ROBO2: variants seen among roughly 807,000 people sequenced by gnomAD.
The protein encoded by ROBO2 is roundabout homolog 2.
Under a neutral mutation model 160.8 loss-of-function variants are expected in ROBO2, and 53 were observed. The observed-to-expected ratio is 0.33, with a 90% CI of 0.26 to 0.41. The LOEUF is 0.41. ROBO2 is among the 10% of genes least tolerant of loss of function. The pLI is 1.00. For missense variants in ROBO2, 1,577 were observed against 1,722.4 expected, an observed-to-expected ratio of 0.92 and a Z score of 1.49; for synonymous variants, 664 against 611.7, an observed-to-expected ratio of 1.09 and a Z score of -1.26.
intron 2 of ROBO2, among the ~76,000 whole-genome samples, chr3:77,464,409 C>T (rs2082554834): frequency 2.0e-5 from 3 of 151,784 alleles, no homozygotes; most frequent in African/African-American, 7.3e-5. Flanking sequence ...TGTTTAGGCC[C>T]TAAAAAAAGA....
At chr3:76,931,996 C>T (rs1364391601) in intron 2 of ROBO2, among the ~76,000 whole-genome samples, 1 of 152,056 alleles carries the variant, frequency 6.6e-6, no homozygotes, top group Non-Finnish European at 1.5e-5. Context: ...TTTTAAAGTA[C>T]ACAGATGTGC....
intron 2 of ROBO2, among the ~76,000 whole-genome samples, chr3:76,880,224 A>G (rs1185212400): frequency 1.3e-5 from 2 of 152,156 alleles, no homozygotes; most frequent in African/African-American, 4.8e-5. Context: ...CCTTTGCTAC[A>G]TACCCTCAAA....
intron 2 of ROBO2, among the ~76,000 whole-genome samples, chr3:76,067,279 T>C (rs867100847): frequency 1.3e-5 from 2 of 152,240 alleles, no homozygotes; most frequent in Non-Finnish European, 2.9e-5. Flanking sequence ...TGATTAATTA[T>C]TGTATATCAA....
intron 2 of ROBO2, among the ~76,000 whole-genome samples, chr3:77,285,817 G>A (rs1580668483): frequency 1.3e-5 from 2 of 151,990 alleles, no homozygotes; most frequent in Admixed American, 6.6e-5. Flanking sequence ...AAATCCACAG[G>A]TCTTAATAGA....
At chr3:76,714,352 C>G (rs574405510) in intron 2 of ROBO2, among the ~76,000 whole-genome samples, 1 of 152,022 alleles carries the variant, frequency 6.6e-6, no homozygotes, top group African/African-American at 2.4e-5. Flanking sequence ...ACAGCTCAGG[C>G]GTGGACGGGT....
intron 2 of ROBO2, among the ~76,000 whole-genome samples, chr3:77,375,776 CT>C (rs2072554329): frequency 6.7e-6 from 1 of 150,364 alleles, no homozygotes; most frequent in African/African-American, 2.4e-5. Flanking sequence ...TTTGCATAGA[CT>C]GTACTGCAGC....
At chr3:77,252,866 C>T (rs1382820754) in intron 2 of ROBO2, among the ~76,000 whole-genome samples, 16 of 93,778 alleles carry the variant, frequency 1.7e-4, no homozygotes, top group Non-Finnish European at 2.2e-4. Context: ...AATAAACAGA[C>T]GGTTTTAATA....
chr3:76,751,103 G>A (rs1010875397), intron 2 of ROBO2, among the ~76,000 whole-genome samples: 8 of 152,140 alleles, frequency 5.3e-5, no homozygotes, highest in African/African-American at 1.9e-4. Flanking sequence ...CAGAGATATA[G>A]ACCAATGGAA....
At chr3:77,185,930 G>A (rs35160210) in intron 2 of ROBO2, among the ~76,000 whole-genome samples, 44,950 of 151,762 alleles carry the variant, frequency 0.3, 7,928 homozygotes, top group Middle Eastern at 0.47. Context: ...GCTCAGGAGC[G>A]GAAAACCAGA....
chr3:76,880,795 GA>G (rs1354234767), intron 2 of ROBO2, among the ~76,000 whole-genome samples: 1 of 152,108 alleles, frequency 6.6e-6, no homozygotes, highest in Non-Finnish European at 1.5e-5. Flanking sequence ...GAATTTAAAA[GA>G]ATATGCCACA....
At chr3:77,018,190 C>G (rs936898421) in intron 2 of ROBO2, among the ~76,000 whole-genome samples, 1 of 152,132 alleles carries the variant, frequency 6.6e-6, no homozygotes, top group Non-Finnish European at 1.5e-5. Context: ...ACAAACCCAG[C>G]CTCCAAGGAT....
chr3:75,945,040 T>G (rs1317790559), intron 2 of ROBO2, among the ~76,000 whole-genome samples: 1 of 152,146 alleles, frequency 6.6e-6, no homozygotes, highest in Non-Finnish European at 1.5e-5. Flanking sequence ...GTGTCTTTAT[T>G]TATTTATAAG....
rs1026448901 is a variant in ROBO2, at chr3:75,976,087, A to T, written c.109+38485A>T. ...TTGTGCCTGTGAGCCTTCACTGGAG[A>T]GGAGAGAATAGTGTCAGTATCCATG... On this transcript the variant is annotated intron_variant, in intron 2 of 26. Coordinates refer to the ROBO2 transcript ENST00000487694. Among the ~76,000 whole-genome samples, 5 of 151,558 alleles carry T rather than the reference A, an allele frequency of 3.3e-5. No homozygotes were observed. The South Asian group carries it at 6.2e-4, about 19-fold the overall frequency.
intron 2 of ROBO2, among the ~76,000 whole-genome samples, chr3:77,128,220 G>A (rs1268570369): frequency 1.3e-5 from 2 of 152,136 alleles, no homozygotes; most frequent in Non-Finnish European, 2.9e-5. Context: ...GCCTCCTAGA[G>A]CTTATATTCT....
intron 2 of ROBO2, among the ~76,000 whole-genome samples, chr3:77,027,642 C>G (rs942054894): frequency 2.0e-5 from 3 of 152,154 alleles, no homozygotes; most frequent in African/African-American, 7.2e-5. Flanking sequence ...CTTTATTGAA[C>G]TACAGTAGTT....
chr3:77,283,499 G>A (rs1441956), intron 2 of ROBO2, among the ~76,000 whole-genome samples: 47,931 of 152,004 alleles, frequency 0.32, 7,967 homozygotes, highest in Non-Finnish European at 0.37. Context: ...ACGTATAAGT[G>A]AAGGCACATT....
chr3:76,537,547 G>A (rs1462258913), intron 2 of ROBO2, among the ~76,000 whole-genome samples: 7 of 152,076 alleles, frequency 4.6e-5, no homozygotes, highest in African/African-American at 1.7e-4. Flanking sequence ...TACCCGATTT[G>A]AAATTGGTGA....
intron 2 of ROBO2, among the ~76,000 whole-genome samples, chr3:76,080,473 C>T (rs2068789020): frequency 6.6e-6 from 1 of 152,152 alleles, no homozygotes; most frequent in Non-Finnish European, 1.5e-5. Flanking sequence ...GGTCGGAGCA[C>T]AACACATTCT....
At chr3:77,532,577 C>T (rs1167044428) in intron 6 of ROBO2, among the ~76,000 whole-genome samples, 1 of 151,756 alleles carries the variant, frequency 6.6e-6, no homozygotes, top group Non-Finnish European at 1.5e-5. Flanking sequence ...TTTCCTTAGT[C>T]TCAATTTCAC....
Sources: allele counts gnomAD v4.1 joint callset (sites outside exome capture counted in the v4.1 genomes callset), GRCh38; gene constraint gnomAD v4.1.1; transcripts MANE v1.5; gene names NCBI Gene and HGNC (gene_info 2026-07-23, HGNC 2026-07-21).